GSG1L: variants seen among roughly 807,000 people sequenced by gnomAD.
The protein encoded by GSG1L is germ cell-specific gene 1-like protein.
A neutral mutation model predicts 42.1 loss-of-function variants in GSG1L; 24 were observed. The observed-to-expected ratio is 0.57, with a 90% confidence interval of 0.41 to 0.80. The LOEUF (loss-of-function observed/expected upper bound fraction) is 0.80. Among genes scored for constraint, GSG1L ranks in the 30% least tolerant of loss-of-function variants. The pLI, the probability that GSG1L is intolerant of heterozygous loss-of-function variation, is 0.00. For synonymous variants in GSG1L, 215 were observed against 203.5 expected (o/e 1.06, Z -0.48); for missense variants, 445 against 472.2 (o/e 0.94, Z 0.53).
chr16:27,954,103 A>G (rs1184151693), intron 2 of GSG1L, among the ~76,000 whole-genome samples: 2 of 152,094 alleles, frequency 1.3e-5, no homozygotes, highest in African/African-American at 4.8e-5. Flanking sequence ...TCCAGGAGGC[A>G]GTTGGAGGTG....
intron 1 of GSG1L, among the ~76,000 whole-genome samples, chr16:27,978,336 C>T (rs948567619): frequency 6.6e-6 from 1 of 152,156 alleles, no homozygotes; most frequent in East Asian, 1.9e-4. Context: ...ACCAGGAAGC[C>T]GGACAGGGTG....
At chr16:27,972,429 C>A (rs2085203062) in intron 1 of GSG1L, among the ~76,000 whole-genome samples, 1 of 152,200 alleles carries the variant, frequency 6.6e-6, no homozygotes, top group Non-Finnish European at 1.5e-5. Context: ...GATTAATGAG[C>A]TAGGTATTAA....
rs2082725993 is a variant in GSG1L at position 27,789,341 on chromosome 16, G to T, written c.*2029C>A. ...TGGAGGGATGAATGGATGTGTGGAT[G>T]ACGGATAATGGATGGATGGATGGTT... On this transcript the variant is annotated 3_prime_UTR_variant, in exon 7 of 7. Transcript: ENST00000447459. The T allele has an allele frequency of 6.6e-6, 1 of 151,298 alleles. No individual in the cohort carries two copies. The highest frequency in any genetic ancestry group is 1.5e-5 in the Non-Finnish European group (1 of 67,532). 9.4% of individuals were successfully genotyped at this position (151,298 alleles called of 1,614,324 possible).
chr16:27,794,329 ACTTT>A (rs1428170552), intron 6 of GSG1L, among the ~76,000 whole-genome samples: 4 of 146,862 alleles, frequency 2.7e-5, no homozygotes, highest in Non-Finnish European at 6.0e-5. Flanking sequence ...GATCTTCAAA[ACTTT>A]CTTTTTTTTT....
At chr16:27,917,869 T>C (rs564590095) in intron 2 of GSG1L, among the ~76,000 whole-genome samples, 1 of 152,218 alleles carries the variant, frequency 6.6e-6, no homozygotes, top group African/African-American at 2.4e-5. Context: ...CCATCTTCCA[T>C]GCTGTGGCTT....
chr16:28,053,144 G>A (rs1477454535), intron 1 of GSG1L, among the ~76,000 whole-genome samples: 3 of 152,176 alleles, frequency 2.0e-5, no homozygotes, highest in Non-Finnish European at 4.4e-5. Flanking sequence ...CAGAGAGAAG[G>A]GGGTGGCATG....
At chr16:28,018,628 A>G (rs1381240985) in intron 1 of GSG1L, among the ~76,000 whole-genome samples, 1 of 152,286 alleles carries the variant, frequency 6.6e-6, no homozygotes, top group South Asian at 2.1e-4. Context: ...TAGACAAGGA[A>G]GAATAACAAG....
At chr16:27,886,501 G>A (rs566292150) in intron 2 of GSG1L, among the ~76,000 whole-genome samples, 1 of 152,300 alleles carries the variant, frequency 6.6e-6, no homozygotes, top group South Asian at 2.1e-4. Context: ...GGTGATGTGA[G>A]GATTCGGTTG....
chr16:27,828,297 C>G (rs1437493336), intron 5 of GSG1L, among the ~76,000 whole-genome samples: 1 of 152,214 alleles, frequency 6.6e-6, no homozygotes, highest in Non-Finnish European at 1.5e-5. Context: ...ATCCATCTAC[C>G]CACCCACTGT....
At chr16:27,807,857 A>G (rs560745741) in intron 5 of GSG1L, among the ~76,000 whole-genome samples, 15 of 152,346 alleles carry the variant, frequency 9.8e-5, no homozygotes, top group African/African-American at 3.6e-4. Flanking sequence ...AAAGAGGAAA[A>G]TAAATTATTT....
chr16:28,033,672 T>G (rs1039393943), intron 1 of GSG1L, among the ~76,000 whole-genome samples: 2 of 152,044 alleles, frequency 1.3e-5, no homozygotes, highest in African/African-American at 4.8e-5. Context: ...CATTGTGTAT[T>G]AAACTGTAAG....
At chr16:28,032,406 C>A (rs369887802) in intron 1 of GSG1L, among the ~76,000 whole-genome samples, 1 of 152,292 alleles carries the variant, frequency 6.6e-6, no homozygotes, top group South Asian at 2.1e-4. Context: ...GCAGAGCTGG[C>A]GTAGTGAGAG....
At chr16:27,922,712 C>A (rs2385008) in intron 2 of GSG1L, among the ~76,000 whole-genome samples, 43,472 of 152,154 alleles carry the variant, frequency 0.29, 6,999 homozygotes, top group East Asian at 0.43. Context: ...GCCTTCTTTC[C>A]AAACACAGAC....
At chr16:27,902,935 A>G (rs555213194) in intron 2 of GSG1L, among the ~76,000 whole-genome samples, 104 of 151,862 alleles carry the variant, frequency 6.8e-4, no homozygotes, top group Non-Finnish European at 1.2e-3. Context: ...TGCAGCTGGG[A>G]GGTGGCAGTG....
chr16:27,852,208 G>A (rs935834111), intron 3 of GSG1L, among the ~76,000 whole-genome samples: 3 of 152,312 alleles, frequency 2.0e-5, no homozygotes, highest in Middle Eastern at 3.4e-3. Flanking sequence ...TGTCATGTCC[G>A]GGACTTGAGA....
At chr16:28,030,958 T>C (rs1596715345) in intron 1 of GSG1L, among the ~76,000 whole-genome samples, 1 of 92,366 alleles carries the variant, frequency 1.1e-5, no homozygotes. Context: ...TGGGTTAAGA[T>C]GGGATGGGAT....
chr16:28,032,167 G>A (rs1393166260), intron 1 of GSG1L, among the ~76,000 whole-genome samples: 1 of 152,180 alleles, frequency 6.6e-6, no homozygotes, highest in Non-Finnish European at 1.5e-5. Flanking sequence ...AGAAATAGCT[G>A]GAGATGCACG....
chr16:27,832,085 C>T (rs2083280623), intron 4 of GSG1L, among the ~76,000 whole-genome samples: 1 of 152,180 alleles, frequency 6.6e-6, no homozygotes, highest in South Asian at 2.1e-4. Context: ...TGTTTAGTTT[C>T]ATCTCAGCCC....
At chr16:28,015,912 G>A (rs1017309315) in intron 1 of GSG1L, among the ~76,000 whole-genome samples, 1 of 152,208 alleles carries the variant, frequency 6.6e-6, no homozygotes, top group Admixed American at 6.5e-5. Context: ...GGCAAATTGA[G>A]ATGAAGAAGC....
Sources: gnomAD v4.1 joint callset for allele counts (sites outside exome capture counted in the v4.1 genomes callset) on GRCh38, gnomAD v4.1.1 for gene constraint, MANE v1.5 for transcripts, NCBI Gene and HGNC (gene_info 2026-07-23, HGNC 2026-07-21) for gene names.